Variants in ZNF704 observed in about 807,000 individuals in gnomAD.
ZNF704 encodes glucocorticoid induced gene 1.
A neutral mutation model predicts 44.7 loss-of-function variants in ZNF704; 10 were observed. The observed-to-expected ratio is 0.22, with a 90% CI of 0.14 to 0.38. The LOEUF (loss-of-function observed/expected upper bound fraction) is 0.38. Among genes scored for constraint, ZNF704 ranks in the 10% least tolerant of loss-of-function variants. The pLI is 1.00. For missense variants in ZNF704, 390 were observed against 545.5 expected (o/e 0.71, Z 2.84); for synonymous variants, 211 against 207.6 (o/e 1.02, Z -0.14).
chr8:80,799,690 C>T (rs557430328), intron 2 of ZNF704, among the ~76,000 whole-genome samples: 12 of 152,260 alleles, frequency 7.9e-5, no homozygotes, highest in South Asian at 6.2e-4. Context: ...AAGGTAGAGA[C>T]GCCCACAATG....
intron 6 of ZNF704, among the ~76,000 whole-genome samples, chr8:80,663,368 A>C (rs1463428125): frequency 1.9e-4 from 21 of 109,360 alleles, no homozygotes; most frequent in African/African-American, 1.2e-3. Flanking sequence ...CCCTGTCTCA[A>C]AAAAAAAAAA....
intron 8 of ZNF704, 44 bp downstream of exon 8, chr8:80,642,991 A>G: frequency 7.4e-7 from 1 of 1,342,422 alleles, no homozygotes; most frequent in Non-Finnish European, 1.0e-6. Flanking sequence ...TTTACAGTTA[A>G]TTCCCTTGTG....
intron 7 of ZNF704, 32 bp from the exon 8 acceptor site, chr8:80,643,161 G>T: frequency 6.5e-7 from 1 of 1,545,410 alleles, no homozygotes; most frequent in Non-Finnish European, 8.8e-7. Context: ...AAGTTGATGG[G>T]GCAGGTTCTC....
At chr8:80,847,279 C>T (rs1043536134) in intron 1 of ZNF704, among the ~76,000 whole-genome samples, 23 of 152,124 alleles carry the variant, frequency 1.5e-4, no homozygotes, top group Non-Finnish European at 1.5e-5. Context: ...AAGACATATT[C>T]AGGATCTACA....
At chr8:80,801,626 A>C (rs1185296103) in intron 2 of ZNF704, among the ~76,000 whole-genome samples, 1 of 152,238 alleles carries the variant, frequency 6.6e-6, no homozygotes, top group African/African-American at 2.4e-5. Flanking sequence ...ATGAGAACAA[A>C]GAGACAACAC....
At chr8:80,856,469 TTTC>T (rs955926207) in intron 1 of ZNF704, among the ~76,000 whole-genome samples, 2 of 152,220 alleles carry the variant, frequency 1.3e-5, no homozygotes, top group African/African-American at 4.8e-5. Flanking sequence ...TATTCTCCTG[TTTC>T]TTCAAGAAGC....
chr8:80,734,760 T>C (rs1194976940), intron 2 of ZNF704, among the ~76,000 whole-genome samples: 1 of 152,242 alleles, frequency 6.6e-6, no homozygotes, highest in Non-Finnish European at 1.5e-5. Flanking sequence ...AAATTTTAGA[T>C]TCAAATGTTC....
intron 1 of ZNF704, among the ~76,000 whole-genome samples, chr8:80,843,971 G>A (rs990839635): frequency 7.0e-6 from 1 of 143,282 alleles, no homozygotes; most frequent in African/African-American, 2.5e-5. Context: ...ATATATATGT[G>A]TATATATATA....
chr8:80,730,798 A>G (rs1806568837), intron 2 of ZNF704, among the ~76,000 whole-genome samples: 1 of 152,170 alleles, frequency 6.6e-6, no homozygotes, highest in African/African-American at 2.4e-5. Context: ...CTGTAATGAA[A>G]AGGTAGCCAC....
chr8:80,821,571 C>T lies in ZNF704; in HGVS notation c.24G>A (p.Glu8=), dbSNP rs1586051960. The change falls in exon 2 of 9, where the codon GAG becomes GAA. Residue 8 remains glutamate (E), a synonymous_variant. Transcript: ENST00000327835. The stretch of plus-strand genomic sequence containing the variant: ...TTTTACCACAGTCACGTTTTAAGTC[C>T]TCTGACTGAAATGTGAAGGTCATTT... The part of the protein sequence containing the change: MTFTFQS[E]DLKRDCGKKM... 2 of 1,613,624 alleles carry T rather than the reference C, an allele frequency of 1.2e-6. No individual in the cohort carries two copies. Among genetic ancestry groups the T allele is most frequent in the Non-Finnish European group, 1.7e-6 (2 of 1,179,920 alleles).
rs141893581 is a variant in ZNF704, at chr8:80,838,765, G to A, written c.-21-17150C>T. 4.7e-3 allele frequency among the ~76,000 whole-genome samples: 696 copies of A among 149,228 alleles called. 5 individuals carry two copies. The highest frequency in any genetic ancestry group is 0.016 in the African/African-American group (642 of 39,778). ...GAGGAGGAGGAGGAGGAGGCCACCC[G>A]AGGTGGCAATGGAGGCAGCGGCAGG... On this transcript the variant is annotated intron_variant, in intron 1 of 8. Coordinates refer to ENST00000327835, the MANE Select transcript of ZNF704 (RefSeq NM_001033723.3).
chr8:80,763,292 C>T (rs975116168), intron 2 of ZNF704, among the ~76,000 whole-genome samples: 3 of 152,218 alleles, frequency 2.0e-5, no homozygotes, highest in Admixed American at 6.5e-5. Flanking sequence ...CATGAGGGTC[C>T]CACCCCTGCA....
chr8:80,782,854 T>C (rs1444771202), intron 2 of ZNF704, among the ~76,000 whole-genome samples: 1 of 152,002 alleles, frequency 6.6e-6, no homozygotes, highest in East Asian at 1.9e-4. Context: ...ATGTGGGTTT[T>C]GCATCCCGTG....
At chr8:80,793,183 G>T (rs1188321243) in intron 2 of ZNF704, among the ~76,000 whole-genome samples, 1 of 152,192 alleles carries the variant, frequency 6.6e-6, no homozygotes, top group Non-Finnish European at 1.5e-5. Flanking sequence ...TTTAAGGTGG[G>T]GTATGGGAGT....
rs1163386888 is a variant in ZNF704 at position 80,635,390 on chromosome 8, G to GT, written c.*5975dup. On this transcript the variant is annotated 3_prime_UTR_variant, in exon 9 of 9. Coordinates refer to ENST00000327835, the MANE Select transcript of ZNF704 (RefSeq NM_001033723.3). ...ATCAAGCACTTGTTCTTTTTGTTTTGTTTTTTTATTTTCCTTTTTTATTTT... is the reference window on the plus strand; with the variant it reads ...ATCAAGCACTTGTTCTTTTTGTTTTGTTTTTTTTATTTTCCTTTTTTATTTT... 6.6e-6 allele frequency: 1 copy of GT among 152,022 alleles called. No individual in the cohort carries two copies. Among genetic ancestry groups the GT allele is most frequent in the South Asian group, 2.1e-4 (1 of 4,814 alleles). The allele number at this position is 152,022 out of a possible 1,614,324, so 9.4% of individuals were successfully genotyped here.
At chr8:80,823,300 C>A (rs1040568323) in intron 1 of ZNF704, among the ~76,000 whole-genome samples, 8 of 152,242 alleles carry the variant, frequency 5.3e-5, no homozygotes, top group Non-Finnish European at 1.0e-4. Context: ...GAGGGTCCCA[C>A]ACCCACGAAG....
intron 2 of ZNF704, among the ~76,000 whole-genome samples, chr8:80,780,435 A>C (rs1807501180): frequency 6.6e-6 from 1 of 152,128 alleles, no homozygotes; most frequent in Admixed American, 6.6e-5. Flanking sequence ...GAACAGCGGC[A>C]TGTGTATTGA....
At chr8:80,827,513 T>C (rs1808398797) in intron 1 of ZNF704, among the ~76,000 whole-genome samples, 1 of 152,106 alleles carries the variant, frequency 6.6e-6, no homozygotes. Context: ...AATTTATAGA[T>C]TCAATGCCAT....
At position 80,821,388 on chromosome 8, in the gene ZNF704, A is replaced by G; in HGVS notation, c.207T>C (p.Asp69=). Residue 69 remains aspartate, a synonymous_variant, in exon 2 of 9, where the codon GAT becomes GAC. Transcript: ENST00000327835. ...QKRKVVSSNI[D]VPPARKSSEE... ...TGTTCCCTTACCTTGCTGGAGGAAC[A>G]TCAATGTTGGAGGAAACAACTTTTC... 6.2e-7 allele frequency: 1 copy of G among 1,613,658 alleles called. No individual in the cohort carries two copies. Among genetic ancestry groups the G allele is most frequent in the Non-Finnish European group, 8.5e-7 (1 of 1,179,918 alleles).
Sources: gnomAD v4.1 joint callset for allele counts (sites outside exome capture counted in the v4.1 genomes callset) on GRCh38, gnomAD v4.1.1 for gene constraint, MANE v1.5 for transcripts, NCBI Gene and HGNC (gene_info 2026-07-23, HGNC 2026-07-21) for gene names.